Variants in CSMD1 observed in about 807,000 individuals in gnomAD.
The protein encoded by CSMD1 is CUB and Sushi multiple domains 1, also known as CUB and sushi domain-containing protein 1.
A neutral mutation model predicts 417.5 loss-of-function variants in CSMD1; 213 were observed. That is an observed-to-expected ratio of 0.51 (90% CI 0.46 to 0.57). The LOEUF is 0.57. CSMD1 is among the 20% of genes least tolerant of loss of function. The probability of loss-of-function intolerance (pLI) is 0.00; values close to 1 mark genes in which losing one functional copy is unlikely to be tolerated. For missense variants in CSMD1, 6,923 were observed against 4,529.7 expected, an observed-to-expected ratio of 1.53 and a Z score of -15.17; for synonymous variants, 2,862 against 1,736.8, an observed-to-expected ratio of 1.65 and a Z score of -16.11.
chr8:3,979,312 G>A (rs1005174484), intron 5 of CSMD1, among the ~76,000 whole-genome samples: 2 of 152,226 alleles, frequency 1.3e-5, no homozygotes, highest in Non-Finnish European at 2.9e-5. Flanking sequence ...TAACAGAGGT[G>A]TGAATCAGGT....
chr8:3,572,902 T>G (rs992623962), intron 10 of CSMD1, among the ~76,000 whole-genome samples: 3 of 152,170 alleles, frequency 2.0e-5, no homozygotes, highest in African/African-American at 7.2e-5. Context: ...ATTCTCAATA[T>G]CATATGATTT....
At chr8:3,080,221 G>C (rs761885883) in intron 49 of CSMD1, among the ~76,000 whole-genome samples, 4 of 152,194 alleles carry the variant, frequency 2.6e-5, no homozygotes, top group Non-Finnish European at 5.9e-5. Flanking sequence ...TGATGTGCCA[G>C]TTTAACTGGA....
rs200407536 is a variant in CSMD1, at chr8:3,562,696, GA to G, written c.1344+12248del. Among the ~76,000 whole-genome samples the G allele has an allele frequency of 2.4e-3, 360 of 150,924 alleles. 4 individuals carry two copies. In the East Asian group the frequency reaches 0.034, roughly 14 times the overall value. On this transcript the variant is annotated intron_variant, in intron 10 of 69. Transcript: ENST00000635120. Reference sequence around the variant, plus strand: ...TAAAGACACTATTATAGTTAATAATGAAAAAAAATCACAAAGAGTTACATGT... The same window carrying G: ...TAAAGACACTATTATAGTTAATAATGAAAAAAATCACAAAGAGTTACATGT...
chr8:4,472,290 G>C (rs186969027), intron 2 of CSMD1, among the ~76,000 whole-genome samples: 1 of 152,040 alleles, frequency 6.6e-6, no homozygotes, highest in Non-Finnish European at 1.5e-5. Flanking sequence ...AATTAAAAAA[G>C]TAAAGCTCTA....
chr8:3,422,816 C>G (rs941323064), intron 12 of CSMD1, among the ~76,000 whole-genome samples: 7 of 152,134 alleles, frequency 4.6e-5, no homozygotes, highest in African/African-American at 1.7e-4. Context: ...GATAAAGGCA[C>G]TGGGAAGGTT....
At chr8:4,940,791 T>A (rs1051270939) in intron 1 of CSMD1, among the ~76,000 whole-genome samples, 3 of 152,188 alleles carry the variant, frequency 2.0e-5, no homozygotes, top group African/African-American at 7.2e-5. Flanking sequence ...CAAAAAAATT[T>A]TAAATCATAA....
chr8:4,404,969 G>T (rs1020928956), intron 3 of CSMD1, among the ~76,000 whole-genome samples: 2 of 152,166 alleles, frequency 1.3e-5, no homozygotes, highest in Non-Finnish European at 2.9e-5. Context: ...GGAAACCGAG[G>T]CACAAGAGGA....
chr8:4,788,841 A>G (rs1344740407), intron 1 of CSMD1, among the ~76,000 whole-genome samples: 1 of 152,238 alleles, frequency 6.6e-6, no homozygotes, highest in Non-Finnish European at 1.5e-5. Context: ...TAAATTTATG[A>G]CACAGAAACT....
intron 4 of CSMD1, among the ~76,000 whole-genome samples, chr8:4,029,727 A>C (rs1452431481): frequency 1.3e-5 from 2 of 152,134 alleles, no homozygotes. Flanking sequence ...CCAAAGTCTT[A>C]ACTTATTTCA....
At chr8:4,660,001 TG>T in intron 1 of CSMD1, among the ~76,000 whole-genome samples, 1 of 151,840 alleles carries the variant, frequency 6.6e-6, no homozygotes, top group East Asian at 1.9e-4. Context: ...ATACTCAACT[TG>T]TAACTATAAT....
At chr8:3,365,442 G>C (rs760591924) in intron 20 of CSMD1, among the ~76,000 whole-genome samples, 31 of 152,160 alleles carry the variant, frequency 2.0e-4, no homozygotes, top group Admixed American at 7.9e-4. Flanking sequence ...CTAGTTAGTA[G>C]GCAATTGTGA....
chr8:4,237,964 G>C (rs770076342), intron 3 of CSMD1, among the ~76,000 whole-genome samples: 16 of 152,182 alleles, frequency 1.1e-4, no homozygotes, highest in Non-Finnish European at 1.5e-4. Flanking sequence ...GTTGTCTCCT[G>C]GGTTGGCTCA....
chr8:3,806,855 G>A (rs772225953), intron 5 of CSMD1, among the ~76,000 whole-genome samples: 5 of 152,182 alleles, frequency 3.3e-5, no homozygotes, highest in Non-Finnish European at 4.4e-5. Context: ...CAGACACAAT[G>A]TAATCTAGTA....
chr8:3,466,355 C>G (rs988399517), intron 12 of CSMD1, among the ~76,000 whole-genome samples: 1 of 152,028 alleles, frequency 6.6e-6, no homozygotes, highest in African/African-American at 2.4e-5. Flanking sequence ...CAGGCAACAT[C>G]AAAACGTAGA....
intron 5 of CSMD1, among the ~76,000 whole-genome samples, chr8:3,833,529 T>C (rs577100903): frequency 6.6e-6 from 1 of 152,140 alleles, no homozygotes. Context: ...TTTTTTTCAA[T>C]GAAGAAGCAC....
At chr8:4,226,934 T>C (rs1443360126) in intron 3 of CSMD1, among the ~76,000 whole-genome samples, 1 of 152,200 alleles carries the variant, frequency 6.6e-6, no homozygotes, top group African/African-American at 2.4e-5. Context: ...CTGTTTTTAT[T>C]TCATAAGGCT....
At chr8:4,407,739 T>C (rs974103087) in intron 3 of CSMD1, among the ~76,000 whole-genome samples, 1 of 152,220 alleles carries the variant, frequency 6.6e-6, no homozygotes, top group Non-Finnish European at 1.5e-5. Flanking sequence ...TTCATGCATG[T>C]AAGCATTCCT....
chr8:4,973,733 A>G (rs56669667), intron 1 of CSMD1, among the ~76,000 whole-genome samples: 8,550 of 152,244 alleles, frequency 0.056, 314 homozygotes, highest in Middle Eastern at 0.14. Context: ...AGACTTGCTG[A>G]TGTGCATTTA....
At chr8:3,390,575 T>A (rs1193009013) in intron 17 of CSMD1, among the ~76,000 whole-genome samples, 1 of 151,996 alleles carries the variant, frequency 6.6e-6, no homozygotes, top group African/African-American at 2.4e-5. Flanking sequence ...ACGACGTGTA[T>A]ATTCAGAGTC....
Sources: gnomAD v4.1 joint callset for allele counts (sites outside exome capture counted in the v4.1 genomes callset) on GRCh38, gnomAD v4.1.1 for gene constraint, MANE v1.5 for transcripts, NCBI Gene and HGNC (gene_info 2026-07-23, HGNC 2026-07-21) for gene names.